RTN1: variants seen among roughly 807,000 people sequenced by gnomAD.
RTN1 encodes the protein reticulon-1.
A neutral mutation model predicts 65.5 loss-of-function variants in RTN1; 25 were observed. That is an observed-to-expected ratio of 0.38 (90% CI 0.28 to 0.53). The LOEUF (loss-of-function observed/expected upper bound fraction) is 0.53, where lower values mean the gene tolerates loss of function less well. Among genes scored for constraint, RTN1 ranks in the 20% least tolerant of loss-of-function variants. RTN1 has a pLI of 0.79. For missense variants in RTN1, 983 were observed against 1,025.4 expected (o/e 0.96, Z 0.57); for synonymous variants, 471 against 447.6 (o/e 1.05, Z -0.66).
chr14:59,778,060 A>T (rs1436751371), intron 1 of RTN1, among the ~76,000 whole-genome samples: 1 of 151,970 alleles, frequency 6.6e-6, no homozygotes, highest in African/African-American at 2.4e-5. Flanking sequence ...GTCCCTGCTT[A>T]AAAAAATGCT....
At chr14:59,826,599 G>A (rs1030767680) in intron 1 of RTN1, among the ~76,000 whole-genome samples, 2 of 152,128 alleles carry the variant, frequency 1.3e-5, no homozygotes, top group African/African-American at 2.4e-5. Flanking sequence ...GACAAAGATC[G>A]CAAAGATAAT....
chr14:59,793,694 A>C (rs1307349236), intron 1 of RTN1, among the ~76,000 whole-genome samples: 1 of 151,790 alleles, frequency 6.6e-6, no homozygotes, highest in Non-Finnish European at 1.5e-5. Context: ...ACAAAAAGCT[A>C]CCCAGATACA....
intron 1 of RTN1, among the ~76,000 whole-genome samples, chr14:59,817,027 G>A (rs1886833196): frequency 6.6e-6 from 1 of 151,942 alleles, no homozygotes; most frequent in African/African-American, 2.4e-5. Flanking sequence ...AATAGTGCCT[G>A]GTGAACTTAC....
chr14:59,713,810 C>G (rs1884474225), intron 3 of RTN1, among the ~76,000 whole-genome samples: 1 of 152,152 alleles, frequency 6.6e-6, no homozygotes, highest in Non-Finnish European at 1.5e-5. Flanking sequence ...ACAGAACTGT[C>G]TTTTTAAAAT....
chr14:59,667,536 T>C (rs946494066), intron 3 of RTN1, among the ~76,000 whole-genome samples: 1 of 152,212 alleles, frequency 6.6e-6, no homozygotes, highest in Non-Finnish European at 1.5e-5. Flanking sequence ...AGCATCCCCT[T>C]TGAAAACTGG....
At chr14:59,856,975 T>G (rs1887620207) in intron 1 of RTN1, among the ~76,000 whole-genome samples, 1 of 152,206 alleles carries the variant, frequency 6.6e-6, no homozygotes. Flanking sequence ...AGCAGTCATA[T>G]GTCTTGCCCA....
chr14:59,740,528 T>C (rs1176813223), intron 2 of RTN1, among the ~76,000 whole-genome samples: 1 of 152,206 alleles, frequency 6.6e-6, no homozygotes, highest in Non-Finnish European at 1.5e-5. Context: ...ACTACTATGC[T>C]AGTGCATTCA....
At chr14:59,861,524 T>C (rs192601421) in intron 1 of RTN1, among the ~76,000 whole-genome samples, 26 of 152,358 alleles carry the variant, frequency 1.7e-4, no homozygotes, top group African/African-American at 5.5e-4. Flanking sequence ...CTGTTGTCTT[T>C]TAGGAAGATA....
In RTN1 at chr14:59,870,204, G is replaced by A. The variant is rs2145797; in HGVS notation, c.241+186C>T. On this transcript the variant is annotated intron_variant, in intron 1 of 8. Transcript: ENST00000267484. The surrounding 1 kb of genome is among the most constrained non-coding windows in gnomAD (Gnocchi z 5.1). ...ATCTTGACTTTTTCTGAGCCTTTGG[G>A]AAAAATAAAATTGTTGTTTTCTACC... 0.16 allele frequency among the ~76,000 whole-genome samples: 24,699 copies of A among 152,248 alleles called. 2,654 individuals are homozygous for A. Among genetic ancestry groups the A allele is most frequent in the African/African-American group, 0.3 (12,344 of 41,520 alleles).
At chr14:59,770,293 G>A (rs1472813564) in intron 1 of RTN1, among the ~76,000 whole-genome samples, 12 of 145,956 alleles carry the variant, frequency 8.2e-5, no homozygotes, top group South Asian at 2.1e-4. Flanking sequence ...CAGGAGAATC[G>A]CTTGAACCTG....
intron 1 of RTN1, among the ~76,000 whole-genome samples, chr14:59,779,522 G>T (rs1886113775): frequency 6.6e-6 from 1 of 151,846 alleles, no homozygotes; most frequent in African/African-American, 2.4e-5. Context: ...TCCATTTCAG[G>T]TGTTGACCGA....
chr14:59,811,778 T>A (rs1886733690), intron 1 of RTN1, among the ~76,000 whole-genome samples: 1 of 152,218 alleles, frequency 6.6e-6, no homozygotes, highest in African/African-American at 2.4e-5. Context: ...TTTGCTAGTA[T>A]CTGTTTTAGT....
At chr14:59,801,280 T>A (rs181254839) in intron 1 of RTN1, among the ~76,000 whole-genome samples, 1 of 152,270 alleles carries the variant, frequency 6.6e-6, no homozygotes, top group African/African-American at 2.4e-5. Flanking sequence ...ACAATTTTTT[T>A]AAACCAATAT....
intron 8 of RTN1, among the ~76,000 whole-genome samples, chr14:59,597,439 T>C (rs1417908268): frequency 1.3e-5 from 2 of 152,218 alleles, no homozygotes; most frequent in African/African-American, 4.8e-5. Context: ...GCAGCATGAT[T>C]TTCGGACAGG....
rs956608618 is a variant in RTN1, at chr14:59,795,244, A to T, written c.242-48763T>A. Among the ~76,000 whole-genome samples the T allele has an allele frequency of 5.9e-5, 9 of 152,182 alleles. 1 individual carries two copies. In the South Asian group the frequency reaches 6.2e-4, roughly 11 times the overall value. Reference sequence around the variant, plus strand: ...TTTTACTTGATGACATTAAAGATTTAAAAAAAATAGTAGCATAACAAGTGT... The same window carrying T: ...TTTTACTTGATGACATTAAAGATTTTAAAAAAATAGTAGCATAACAAGTGT... On this transcript the variant is annotated intron_variant, in intron 1 of 8. Transcript: ENST00000267484.
chr14:59,857,530 C>G (rs1386905970), intron 1 of RTN1, among the ~76,000 whole-genome samples: 3 of 152,138 alleles, frequency 2.0e-5, no homozygotes, highest in African/African-American at 7.2e-5. Flanking sequence ...CTCCCCTCGT[C>G]CCCAGATAAT....
intron 1 of RTN1, among the ~76,000 whole-genome samples, chr14:59,830,229 G>T (rs549761832): frequency 1.3e-5 from 2 of 152,120 alleles, no homozygotes; most frequent in Non-Finnish European, 2.9e-5. Flanking sequence ...TAACTACATC[G>T]GATATGAATC....
rs966021288 is a variant in RTN1 at position 59,803,048 on chromosome 14, A to T, written c.242-56567T>A. Among the ~76,000 whole-genome samples the T allele has an allele frequency of 6.6e-5, 10 of 152,118 alleles. No individual in the cohort carries two copies. Among genetic ancestry groups the T allele is most frequent in the Admixed American group, 1.3e-4 (2 of 15,280 alleles). Reference sequence around the variant, plus strand: ...ACCATCCTCTTGGTGAAACTGATTTAAAAAAGTCATTTGCCATTTGCACTG... The same window carrying T: ...ACCATCCTCTTGGTGAAACTGATTTTAAAAAGTCATTTGCCATTTGCACTG... On this transcript the variant is annotated intron_variant, in intron 1 of 8. Transcript: ENST00000267484. This position sits in a 1 kb window ranked among gnomAD's most constrained non-coding sequence, Gnocchi z 5.6.
At chr14:59,750,403 A>AATG (rs1333881883) in intron 1 of RTN1, among the ~76,000 whole-genome samples, 3 of 57,904 alleles carry the variant, frequency 5.2e-5, no homozygotes, top group Admixed American at 3.4e-4. Context: ...TATAATATAT[A>AATG]TATTATATGT....
Sources: gnomAD v4.1 joint callset for allele counts (sites outside exome capture counted in the v4.1 genomes callset) on GRCh38, gnomAD v4.1.1 for gene constraint, Gnocchi (gnomAD v3.1) non-coding constraint, MANE v1.5 for transcripts, NCBI Gene and HGNC (gene_info 2026-07-23, HGNC 2026-07-21) for gene names.